The following NUP98 variants were observed in gnomAD, a reference collection of about 807,000 sequenced individuals.
NUP98 encodes the protein nuclear pore complex protein Nup98-Nup96.
NUP98 carries 26 observed loss-of-function variants against 191.9 expected under a neutral mutation model. The observed-to-expected ratio is 0.14, with a 90% confidence interval of 0.10 to 0.19. The LOEUF (loss-of-function observed/expected upper bound fraction) is 0.19. Ranked by LOEUF, NUP98 falls within the 10% of genes least tolerant of loss-of-function variation. The pLI, the probability that NUP98 is intolerant of heterozygous loss-of-function variation, is 1.00. For synonymous variants in NUP98, 808 were observed against 778.4 expected (o/e 1.04, Z -0.63); for missense variants, 1,941 against 2,178.8 (o/e 0.89, Z 2.17).
chr11:3,765,669 C>T (rs1372988416), intron 8 of NUP98, among the ~76,000 whole-genome samples: 4 of 151,924 alleles, frequency 2.6e-5, no homozygotes, highest in Non-Finnish European at 5.9e-5. Context: ...GGCACGGTGG[C>T]GCACACCTGT....
chr11:3,696,509 G>C (rs1399617642), intron 25 of NUP98, among the ~76,000 whole-genome samples: 5 of 151,214 alleles, frequency 3.3e-5, no homozygotes, highest in Admixed American at 6.6e-5. Flanking sequence ...CTTGGTGCAG[G>C]GGGGAGGGAA....
At chr11:3,775,677 C>A (rs2081693767) in intron 5 of NUP98, among the ~76,000 whole-genome samples, 1 of 151,856 alleles carries the variant, frequency 6.6e-6, no homozygotes, top group Non-Finnish European at 1.5e-5. Context: ...TTGGGATGAG[C>A]CTAATTCAAA....
At chr11:3,685,837 T>G in intron 29 of NUP98, 136 bp downstream of exon 29, 5 of 685,660 alleles carry the variant, frequency 7.3e-6, no homozygotes, top group Non-Finnish European at 1.0e-5. Context: ...TTAACTATCT[T>G]GAGGTTTATC....
chr11:3,675,857 ATACCCTGG>A lies in NUP98; in HGVS notation c.*294_*301del. ...CAGAATGGCTAGGGATGGAAAAAGA[ATACCCTGG>A]TTCTTTGGGGGATTCTGCCAAAGGA... On this transcript the variant is annotated 3_prime_UTR_variant, in exon 33 of 33. Coordinates refer to ENST00000324932, the MANE Select transcript of NUP98 (RefSeq NM_016320.5). The A allele has an allele frequency of 2.3e-6, 1 of 442,082 alleles. No individual in the cohort carries two copies. The highest frequency in any genetic ancestry group is 4.0e-5 in the East Asian group (1 of 25,034). 27.4% of individuals were successfully genotyped at this position (442,082 alleles called of 1,614,324 possible). A position where few individuals can be genotyped will look rare whatever the true frequency, so the allele number is the denominator to read the frequency against.
rs893883533 is a variant in NUP98 at position 3,735,218 on chromosome 11, C to T, written c.1515G>A (p.Pro505=). 2.4e-5 allele frequency: 39 copies of T among 1,595,298 alleles called. No individual in the cohort carries two copies. Among genetic ancestry groups the T allele is most frequent in the Middle Eastern group, 1.7e-4 (1 of 5,872 alleles). The stretch of plus-strand genomic sequence containing the variant: ...CTTCCTTCTTCTTAGGGTCTGACAT[C>T]GGATTCCGGAAGAGAGGAGAGTCTC... ...PFGDSPLFRN[P]MSDPKKKEER... The change falls in exon 13 of 33, where the codon CCG becomes CCA. Residue 505 remains proline, a synonymous_variant. Coordinates refer to ENST00000324932, the MANE Select transcript of NUP98 (RefSeq NM_016320.5).
At chr11:3,724,725 G>A (rs1262309830) in intron 15 of NUP98, among the ~76,000 whole-genome samples, 3 of 139,294 alleles carry the variant, frequency 2.2e-5, no homozygotes, top group Non-Finnish European at 3.0e-5. Context: ...CATGGGAGGC[G>A]ATCTTGGCTC....
At chr11:3,733,363 G>A (rs1589832454) in intron 13 of NUP98, among the ~76,000 whole-genome samples, 1 of 152,288 alleles carries the variant, frequency 6.6e-6, no homozygotes, top group South Asian at 2.1e-4. Context: ...CTGGGCTGGA[G>A]TGCAATGGTG....
chr11:3,738,965 T>G (rs2080178384), intron 12 of NUP98, among the ~76,000 whole-genome samples: 1 of 151,950 alleles, frequency 6.6e-6, no homozygotes, highest in Non-Finnish European at 1.5e-5. Context: ...ATACCTGAGG[T>G]TTTTTTAAGA....
chr11:3,691,259 G>T, intron 28 of NUP98, 88 bp downstream of exon 28: 2 of 1,414,822 alleles, frequency 1.4e-6, no homozygotes, highest in South Asian at 1.2e-5. Context: ...AGCAATCTGG[G>T]GACATATAAA....
chr11:3,789,840 A>G (rs533198190), intron 1 of NUP98, among the ~76,000 whole-genome samples: 14 of 152,140 alleles, frequency 9.2e-5, no homozygotes, highest in African/African-American at 3.1e-4. Flanking sequence ...AGTGCAGTGC[A>G]GTGGCATGAT....
intron 22 of NUP98, 96 bp downstream of exon 22, chr11:3,705,104 G>C (rs2078819879): frequency 8.8e-7 from 1 of 1,132,536 alleles, no homozygotes; most frequent in South Asian, 1.4e-5. Context: ...GCAGATACTT[G>C]CTAGAGAAGT....
At chr11:3,755,622 T>C (rs2080932467) in intron 10 of NUP98, among the ~76,000 whole-genome samples, 1 of 152,124 alleles carries the variant, frequency 6.6e-6, no homozygotes, top group African/African-American at 2.4e-5. Flanking sequence ...AGAAGAAAGC[T>C]GAAGAATATA....
chr11:3,763,624 C>G (rs930832883), intron 8 of NUP98, among the ~76,000 whole-genome samples: 5 of 152,160 alleles, frequency 3.3e-5, no homozygotes, highest in Non-Finnish European at 7.3e-5. Context: ...GTGGCACAAT[C>G]TCGGCTCACT....
Position 3,744,589 on chromosome 11 carries a change from A to C in NUP98, c.1328T>G (p.Leu443Arg). The C allele has an allele frequency of 6.2e-7, 1 of 1,613,724 alleles. No homozygotes were observed. Reference sequence around the variant, plus strand: ...AGGGGCCCCAAAGGCTCCTGTACCAAGAGGCCCTCCAATCTTAGGTTGGTT... The same window carrying C: ...AGGGGCCCCAAAGGCTCCTGTACCACGAGGCCCTCCAATCTTAGGTTGGTT... The part of the protein sequence containing the change: ...GNNQPKIGGP[L>R]GTGAFGAPGF... Residue 443 changes from leucine to arginine, a missense_variant, in exon 12 of 33, where the codon CTT (leucine) becomes CGT (arginine). Physicochemically the swap from Leu to Arg is moderately radical, Grantham distance 102 (BLOSUM62 -2). This residue lies in a region of NUP98 where 453 missense variants were observed against 438.2 expected (regional missense o/e 1.03). Coordinates refer to ENST00000324932, the MANE Select transcript of NUP98 (RefSeq NM_016320.5).
chr11:3,702,381 A>G, intron 23 of NUP98, 82 bp downstream of exon 23: 1 of 972,930 alleles, frequency 1.0e-6, no homozygotes, highest in South Asian at 1.5e-5. Context: ...GAAAGATGAC[A>G]AAGCAGGGCC....
chr11:3,789,908 T>C (rs61896919), intron 1 of NUP98, among the ~76,000 whole-genome samples: 13,481 of 152,098 alleles, frequency 0.089, 750 homozygotes, highest in African/African-American at 0.14. Context: ...CCTCAGCCTC[T>C]CGAGAAGATG....
chr11:3,708,095 A>G (rs1038868754), intron 20 of NUP98, among the ~76,000 whole-genome samples: 3 of 152,118 alleles, frequency 2.0e-5, no homozygotes, highest in African/African-American at 4.8e-5. Context: ...TTAAACTCCC[A>G]TCTCAAAAAG....
chr11:3,788,243 TTAACA>T lies in NUP98; in HGVS notation c.-28-6103_-28-6099del, dbSNP rs747628329. ...ACTGAGCAGCATTTTTTTCATCCCC[TTAACA>T]TAACCCTAATCATTTTAGAGTGAAG... On this transcript the variant is annotated intron_variant, in intron 1 of 32. Transcript: ENST00000324932. Among the ~76,000 whole-genome samples, 177 of 152,296 alleles carry T rather than the reference TTAACA, an allele frequency of 1.2e-3. 1 individual carries two copies. The highest frequency in any genetic ancestry group is 2.6e-4 in the Non-Finnish European group (18 of 68,018).
chr11:3,693,414 C>T, intron 26 of NUP98, 39 bp from the exon 27 acceptor site: 1 of 1,607,210 alleles, frequency 6.2e-7, no homozygotes, highest in Non-Finnish European at 8.5e-7. Context: ...TATATTCTAC[C>T]TTGTTATTAC....
Sources: allele counts gnomAD v4.1 joint callset (sites outside exome capture counted in the v4.1 genomes callset), GRCh38; gene constraint gnomAD v4.1.1; regional missense constraint gnomAD v4.1.1; transcripts MANE v1.5; gene names NCBI Gene and HGNC (gene_info 2026-07-23, HGNC 2026-07-21).